ASAP1: variants seen among roughly 807,000 people sequenced by gnomAD.
ASAP1 encodes arf-GAP with SH3 domain, ANK repeat and PH domain-containing protein 1.
Under a neutral mutation model 145.2 loss-of-function variants are expected in ASAP1, and 43 were observed. The ratio of observed to expected loss-of-function variants is 0.30; its 90% CI spans 0.23 to 0.38. The LOEUF (loss-of-function observed/expected upper bound fraction) is 0.38. Among genes scored for constraint, ASAP1 ranks in the 10% least tolerant of loss-of-function variants. ASAP1 has a pLI of 1.00. For missense variants in ASAP1, 1,018 were observed against 1,355.3 expected, an observed-to-expected ratio of 0.75 and a Z score of 3.91; for synonymous variants, 546 against 515.5, an observed-to-expected ratio of 1.06 and a Z score of -0.80.
At chr8:130,374,192 G>A (rs1177093387) in intron 2 of ASAP1, among the ~76,000 whole-genome samples, 1 of 152,138 alleles carries the variant, frequency 6.6e-6, no homozygotes, top group Non-Finnish European at 1.5e-5. Context: ...TCTAAAATGA[G>A]GCTAATGACA....
At chr8:130,081,306 A>C (rs1401298721) in intron 25 of ASAP1, among the ~76,000 whole-genome samples, 2 of 152,178 alleles carry the variant, frequency 1.3e-5, no homozygotes, top group Admixed American at 1.3e-4. Flanking sequence ...GGGCTCTTCT[A>C]TGATCCATTT....
At chr8:130,070,685 T>A (rs1369689577) in intron 27 of ASAP1, among the ~76,000 whole-genome samples, 1 of 151,654 alleles carries the variant, frequency 6.6e-6, no homozygotes, top group Non-Finnish European at 1.5e-5. Context: ...ATACCCATGC[T>A]GTCTCAGGTG....
intron 24 of ASAP1, among the ~76,000 whole-genome samples, chr8:130,102,434 C>T (rs1357045472): frequency 2.0e-5 from 3 of 152,088 alleles, no homozygotes; most frequent in South Asian, 2.1e-4. Flanking sequence ...TCCTTGCATC[C>T]CTGCGATAAA....
At chr8:130,250,438 G>A (rs1033589025) in intron 3 of ASAP1, among the ~76,000 whole-genome samples, 1 of 152,160 alleles carries the variant, frequency 6.6e-6, no homozygotes, top group Non-Finnish European at 1.5e-5. Context: ...TCACGTCCAA[G>A]TATGGCGCAT....
chr8:130,108,164 G>A (rs1178074075), intron 24 of ASAP1, among the ~76,000 whole-genome samples: 1 of 152,190 alleles, frequency 6.6e-6, no homozygotes, highest in Non-Finnish European at 1.5e-5. Context: ...CAGGTTATCT[G>A]CTAGTTTATT....
At chr8:130,087,714 C>G (rs148996783) in intron 25 of ASAP1, among the ~76,000 whole-genome samples, 16 of 152,188 alleles carry the variant, frequency 1.1e-4, no homozygotes, top group African/African-American at 3.9e-4. Flanking sequence ...CGAGTCTTGC[C>G]TACTTTACAA....
chr8:130,276,051 A>C (rs759857653), intron 3 of ASAP1, among the ~76,000 whole-genome samples: 2 of 152,336 alleles, frequency 1.3e-5, no homozygotes, highest in Middle Eastern at 3.4e-3. Context: ...CTTTAAGGGA[A>C]GAGTATGAGA....
In ASAP1 at chr8:130,201,203, G is replaced by C. The variant is rs1815847483; in HGVS notation, c.406-13020C>G. Among the ~76,000 whole-genome samples, 4 of 152,334 alleles carry C rather than the reference G, an allele frequency of 2.6e-5. No homozygotes were observed. In the South Asian group the frequency reaches 8.3e-4, roughly 32 times the overall value. On this transcript the variant is annotated intron_variant, in intron 5 of 29. Coordinates refer to ENST00000518721, the MANE Select transcript of ASAP1 (RefSeq NM_018482.4). ...TGGAAGAAAAACCAAAGTTCCTTTA[G>C]AGAAGGAAAGACTTACAGCCAGAGA... is the stretch of plus-strand genomic sequence containing the variant.
At chr8:130,088,034 C>T (rs534191602) in intron 25 of ASAP1, among the ~76,000 whole-genome samples, 1 of 152,086 alleles carries the variant, frequency 6.6e-6, no homozygotes, top group East Asian at 1.9e-4. Flanking sequence ...TAATGGCCAC[C>T]CAAAGTTATC....
At chr8:130,361,521 T>G (rs1826707221) in intron 2 of ASAP1, 3 of 665,658 alleles carry the variant, frequency 4.5e-6, no homozygotes, top group Non-Finnish European at 7.9e-6. Context: ...TTCAGTTTCA[T>G]TTGAAGATTA....
intron 3 of ASAP1, among the ~76,000 whole-genome samples, chr8:130,317,650 G>T (rs1195782071): frequency 6.6e-6 from 1 of 152,210 alleles, no homozygotes; most frequent in Non-Finnish European, 1.5e-5. Context: ...ACAGTTTAGT[G>T]CACTTAACCT....
chr8:130,441,485 C>T (rs1215356763), intron 1 of ASAP1, among the ~76,000 whole-genome samples: 1 of 152,168 alleles, frequency 6.6e-6, no homozygotes, highest in Non-Finnish European at 1.5e-5. Context: ...AAAATGAGAA[C>T]CGAGCAGCAG....
At chr8:130,266,326 T>C (rs1222504383) in intron 3 of ASAP1, among the ~76,000 whole-genome samples, 2 of 152,110 alleles carry the variant, frequency 1.3e-5, no homozygotes, top group African/African-American at 4.8e-5. Context: ...AGTGATTGTA[T>C]ACAACAGGGG....
At chr8:130,416,336 C>T (rs950070374) in intron 1 of ASAP1, among the ~76,000 whole-genome samples, 3 of 152,238 alleles carry the variant, frequency 2.0e-5, no homozygotes, top group Non-Finnish European at 4.4e-5. Context: ...GGAAACAAGA[C>T]GCCGCAGCTA....
At chr8:130,344,646 A>G (rs1324303596) in intron 3 of ASAP1, among the ~76,000 whole-genome samples, 1 of 152,242 alleles carries the variant, frequency 6.6e-6, no homozygotes, top group Admixed American at 6.5e-5. Flanking sequence ...CTGAAGCGAG[A>G]TCACTTGAGC....
At chr8:130,351,791 C>G (rs1586887130) in intron 3 of ASAP1, among the ~76,000 whole-genome samples, 1 of 152,224 alleles carries the variant, frequency 6.6e-6, no homozygotes, top group African/African-American at 2.4e-5. Context: ...TCCCACCAAG[C>G]CCCACCTCCG....
At chr8:130,353,963 T>G (rs1277148112) in intron 3 of ASAP1, among the ~76,000 whole-genome samples, 6 of 152,000 alleles carry the variant, frequency 3.9e-5, no homozygotes, top group Non-Finnish European at 8.8e-5. Context: ...CCTGGCTCAC[T>G]GCAAGCTCCG....
intron 3 of ASAP1, among the ~76,000 whole-genome samples, chr8:130,272,226 A>T (rs1211341435): frequency 6.6e-6 from 1 of 152,106 alleles, no homozygotes; most frequent in Admixed American, 6.6e-5. Flanking sequence ...CAGCAGGTAT[A>T]TAAAAAAAAA....
chr8:130,114,903 T>C (rs1029890570), intron 23 of ASAP1, among the ~76,000 whole-genome samples: 4 of 151,680 alleles, frequency 2.6e-5, no homozygotes, highest in Non-Finnish European at 5.9e-5. Context: ...GCTTGTCAAA[T>C]AGCACCACCA....
Sources: allele counts gnomAD v4.1 joint callset (sites outside exome capture counted in the v4.1 genomes callset), GRCh38; gene constraint gnomAD v4.1.1; transcripts MANE v1.5; gene names NCBI Gene and HGNC (gene_info 2026-07-23, HGNC 2026-07-21).